Variants in EDARADD observed in about 807,000 individuals in gnomAD.
EDARADD encodes the protein EDAR associated via death domain.
Under a neutral mutation model 25.6 loss-of-function variants are expected in EDARADD, and 20 were observed. That is an observed-to-expected ratio of 0.78 (90% CI 0.55 to 1.14). The LOEUF is 1.14. Among genes scored for constraint, EDARADD ranks in the 50% most tolerant of loss-of-function variants. EDARADD has a pLI of 0.00. For missense variants in EDARADD, 225 were observed against 270.1 expected (o/e 0.83, Z 1.17); for synonymous variants, 86 against 94.4 (o/e 0.91, Z 0.52).
At chr1:236,375,416 G>A (rs1308372313) in intron 3 of EDARADD, among the ~76,000 whole-genome samples, 1 of 152,104 alleles carries the variant, frequency 6.6e-6, no homozygotes, top group Non-Finnish European at 1.5e-5. Context: ...AGCACTTTGG[G>A]AGGCCAAGGT....
At position 236,482,368 on chromosome 1, in the gene EDARADD, GACGTGA is replaced by G; in HGVS notation, c.368_373del (p.Asp123_Ile125delinsVal). 6.2e-7 allele frequency: 1 copy of G among 1,614,144 alleles called. No homozygotes were observed. Among genetic ancestry groups the G allele is most frequent in the Non-Finnish European group, 8.5e-7 (1 of 1,180,028 alleles). On this transcript the variant is annotated inframe_deletion, in exon 6 of 6. Transcript: ENST00000334232. ...CTTGCTCAATGATCAGGACTTACTA[GACGTGA>G]TCAGGATAAAGCTGGATCCGTGTCA...
At chr1:236,378,688 A>G (rs902285366) in intron 3 of EDARADD, among the ~76,000 whole-genome samples, 1 of 152,148 alleles carries the variant, frequency 6.6e-6, no homozygotes, top group Non-Finnish European at 1.5e-5. Flanking sequence ...TTATTGTTGA[A>G]TTGATATATT....
chr1:236,366,474 G>A (rs1018122654), intron 3 of EDARADD, among the ~76,000 whole-genome samples: 2 of 152,090 alleles, frequency 1.3e-5, no homozygotes, highest in Admixed American at 6.5e-5. Flanking sequence ...TGATAGTTCC[G>A]TCCTTGGCCT....
rs1659754356 is a variant in EDARADD at position 236,483,828 on chromosome 1, G to C, written c.*1179G>C. 8.4e-6 allele frequency: 12 copies of C among 1,434,234 alleles called. No individual in the cohort carries two copies. The highest frequency in any genetic ancestry group is 1.1e-5 in the Non-Finnish European group (11 of 1,018,376). 88.8% of individuals were successfully genotyped at this position (1,434,234 alleles called of 1,614,324 possible). On this transcript the variant is annotated 3_prime_UTR_variant, in exon 6 of 6. Transcript: ENST00000334232. ...TGCTCCCAACATCCTGGAGAATAAA[G>C]AAGGCCTGGAGCTGCTGAAGACTGC...
chr1:236,407,699 A>G (rs1448937535), intron 1 of EDARADD, among the ~76,000 whole-genome samples: 1 of 150,608 alleles, frequency 6.6e-6, no homozygotes. Context: ...CGTTCACTGC[A>G]CAAATCTGGA....
intron 4 of EDARADD, among the ~76,000 whole-genome samples, chr1:236,462,420 G>A (rs946933250): frequency 6.6e-6 from 1 of 151,930 alleles, no homozygotes; most frequent in Non-Finnish European, 1.5e-5. Flanking sequence ...TTGGGGTCTC[G>A]GTGCAGGAGC....
At chr1:236,450,741 G>A (rs2103026831) in intron 4 of EDARADD, among the ~76,000 whole-genome samples, 1 of 152,192 alleles carries the variant, frequency 6.6e-6, no homozygotes, top group Non-Finnish European at 1.5e-5. Flanking sequence ...TAGAGACGGG[G>A]TTTCACCATG....
rs552193217 is a variant in EDARADD, at chr1:236,475,729, A to C, written c.266-6538A>C. Among the ~76,000 whole-genome samples the C allele has an allele frequency of 5.3e-5, 8 of 152,030 alleles. No homozygotes were observed. In the South Asian group the frequency reaches 1.7e-3, roughly 32 times the overall value. ...CAGTGAGTCGAGATCGCACCATTGC[A>C]CTCCAGCTTGGGCAACAAGGGCAAG... On this transcript the variant is annotated intron_variant, in intron 5 of 5. Coordinates refer to ENST00000334232, the MANE Select transcript of EDARADD (RefSeq NM_145861.4).
chr1:236,435,478 G>A (rs541634949), intron 4 of EDARADD, among the ~76,000 whole-genome samples: 68 of 152,292 alleles, frequency 4.5e-4, no homozygotes, highest in African/African-American at 1.6e-3. Flanking sequence ...TAAAGAAAGG[G>A]AAAAGCCAGG....
chr1:236,361,545 G>T (rs1382478699), intron 3 of EDARADD, among the ~76,000 whole-genome samples: 1 of 150,904 alleles, frequency 6.6e-6, no homozygotes. Flanking sequence ...GGCCAGGCTG[G>T]TCTCGAACTC....
chr1:236,416,446 G>T (rs1657643869), intron 3 of EDARADD, among the ~76,000 whole-genome samples: 1 of 152,156 alleles, frequency 6.6e-6, no homozygotes, highest in Non-Finnish European at 1.5e-5. Flanking sequence ...TCACTCTTAA[G>T]TGTGATTTCC....
intron 4 of EDARADD, among the ~76,000 whole-genome samples, chr1:236,452,536 G>A (rs915194093): frequency 5.9e-5 from 9 of 151,936 alleles, no homozygotes; most frequent in African/African-American, 1.4e-4. Context: ...CATGTAAGAC[G>A]TGCCCTGCTT....
chr1:236,478,994 C>G (rs940812491), intron 5 of EDARADD, among the ~76,000 whole-genome samples: 22 of 151,892 alleles, frequency 1.4e-4, no homozygotes, highest in African/African-American at 4.8e-4. Context: ...AAGAATGATA[C>G]GATAGACTTT....
chr1:236,404,701 G>T (rs536111312), intron 1 of EDARADD, among the ~76,000 whole-genome samples: 1 of 152,316 alleles, frequency 6.6e-6, no homozygotes, highest in African/African-American at 2.4e-5. Context: ...TACTTGGGAG[G>T]CTGAGGTGGG....
chr1:236,402,496 G>A (rs1411091207), intron 1 of EDARADD, among the ~76,000 whole-genome samples: 1 of 152,214 alleles, frequency 6.6e-6, no homozygotes, highest in African/African-American at 2.4e-5. Context: ...GGTGGAGGCT[G>A]CAGTGAGCTG....
At chr1:236,405,834 C>T (rs1667713302) in intron 1 of EDARADD, among the ~76,000 whole-genome samples, 1 of 33,626 alleles carries the variant, frequency 3.0e-5, no homozygotes, top group African/African-American at 1.3e-4. Flanking sequence ...TCCTTCCTTC[C>T]TTCCTTCCTT....
In EDARADD at chr1:236,472,982, T is replaced by C. The variant is rs139728716; in HGVS notation, c.265+4706T>C. Among the ~76,000 whole-genome samples, 85 of 152,320 alleles carry C rather than the reference T, an allele frequency of 5.6e-4. No individual in the cohort carries two copies. The East Asian group carries it at 0.015, about 28-fold the overall frequency. On this transcript the variant is annotated intron_variant, in intron 5 of 5. Transcript: ENST00000334232. ...GTTTGACAATTTCTAGATAAAGAGC[T>C]CTTTTCGGGCTGCTAAGAAGCCTAA...
chr1:236,455,401 A>G (rs998686585), intron 4 of EDARADD, among the ~76,000 whole-genome samples: 10 of 152,136 alleles, frequency 6.6e-5, no homozygotes, highest in Admixed American at 3.9e-4. Context: ...ACAGGCCCCT[A>G]CCTGCTTCTC....
chr1:236,445,231 A>ATTTTTTTTTTTTTTTTTTT lies in EDARADD; in HGVS notation c.219+17783_219+17784insTTTTTTTTTTTTTTTTTTT, dbSNP rs1415805260. Among the ~76,000 whole-genome samples the ATTTTTTTTTTTTTTTTTTT allele has an allele frequency of 8.5e-4, 40 of 47,258 alleles. 4 individuals carry two copies. Among genetic ancestry groups the ATTTTTTTTTTTTTTTTTTT allele is most frequent in the Non-Finnish European group, 1.9e-3 (28 of 14,658 alleles). The allele number at this position is 47,258 out of a possible 152,430, so 31.0% of individuals were successfully genotyped here. A position where few individuals can be genotyped will look rare whatever the true frequency, so the allele number is the denominator to read the frequency against. ...TATTGCATTAGCTGGGACATAATAA[A>ATTTTTTTTTTTTTTTTTTT]TTCTTTTTTTTTTTGAGACAGAGTC... On this transcript the variant is annotated intron_variant, in intron 4 of 5. Coordinates refer to ENST00000334232, the MANE Select transcript of EDARADD (RefSeq NM_145861.4).
Sources: gnomAD v4.1 joint callset for allele counts (sites outside exome capture counted in the v4.1 genomes callset) on GRCh38, gnomAD v4.1.1 for gene constraint, MANE v1.5 for transcripts, NCBI Gene and HGNC (gene_info 2026-07-23, HGNC 2026-07-21) for gene names.